The following GALNT13 variants were observed in gnomAD, a reference collection of about 807,000 sequenced individuals.
GALNT13 encodes the protein polypeptide N-acetylgalactosaminyltransferase 13.
A neutral mutation model predicts 64.2 loss-of-function variants in GALNT13; 28 were observed. That is an observed-to-expected ratio of 0.44 (90% CI 0.32 to 0.60). The LOEUF (loss-of-function observed/expected upper bound fraction) is 0.60. Ranked by LOEUF, GALNT13 falls within the 20% of genes least tolerant of loss-of-function variation. The probability of loss-of-function intolerance (pLI) is 0.05; values close to 1 mark genes in which losing one functional copy is unlikely to be tolerated. For missense variants in GALNT13, 577 were observed against 669.8 expected (o/e 0.86, Z 1.53); for synonymous variants, 214 against 224.6 (o/e 0.95, Z 0.42).
intron 3 of GALNT13, among the ~76,000 whole-genome samples, chr2:154,005,903 T>TA (rs1357388977): frequency 1.3e-5 from 2 of 152,286 alleles, no homozygotes; most frequent in African/African-American, 2.4e-5. Context: ...CCTTTTGGAT[T>TA]AGCTACAAGT....
At chr2:154,336,144 A>G (rs1695433593) in intron 9 of GALNT13, among the ~76,000 whole-genome samples, 1 of 152,116 alleles carries the variant, frequency 6.6e-6, no homozygotes, top group Non-Finnish European at 1.5e-5. Flanking sequence ...GCACACCTAC[A>G]AGTCTAGTTG....
chr2:153,268,484 G>C, the GALNT13 span, among the ~76,000 whole-genome samples: 1 of 152,222 alleles, frequency 6.6e-6, no homozygotes, highest in Non-Finnish European at 1.5e-5. Context: ...TGTGGGGCTG[G>C]CATTGAGTGC....
At chr2:153,527,614 T>C in the GALNT13 span, among the ~76,000 whole-genome samples, 1 of 152,206 alleles carries the variant, frequency 6.6e-6, no homozygotes, top group Non-Finnish European at 1.5e-5. Flanking sequence ...CAGTAGGTAC[T>C]CAGAAAAACA....
the GALNT13 span, among the ~76,000 whole-genome samples, chr2:153,274,273 G>A: frequency 1.3e-5 from 2 of 152,182 alleles, no homozygotes; most frequent in African/African-American, 4.8e-5. Flanking sequence ...GGCCTGCCAG[G>A]TGTTTATGTC....
At chr2:154,423,046 A>G (rs542457036) in intron 11 of GALNT13, among the ~76,000 whole-genome samples, 2 of 150,648 alleles carry the variant, frequency 1.3e-5, no homozygotes, top group South Asian at 4.3e-4. Flanking sequence ...ATTTCTCCTA[A>G]TGTTATCCCT....
At chr2:153,967,417 A>G (rs1437996803) in intron 3 of GALNT13, among the ~76,000 whole-genome samples, 1 of 152,066 alleles carries the variant, frequency 6.6e-6, no homozygotes, top group African/African-American at 2.4e-5. Context: ...GTTGTTACCT[A>G]AGCTTGTCGT....
the GALNT13 span, among the ~76,000 whole-genome samples, chr2:153,190,534 C>CT: frequency 1.3e-5 from 2 of 151,870 alleles, no homozygotes; most frequent in Admixed American, 1.3e-4. Context: ...TAGTTTTGTT[C>CT]TTTTTTCTCA....
At chr2:153,478,651 G>C in the GALNT13 span, 1 of 1,133,042 alleles carries the variant, frequency 8.8e-7, no homozygotes, top group Non-Finnish European at 1.2e-6. Context: ...CGGGCTGAGC[G>C]CTCACTCGCA....
the GALNT13 span, among the ~76,000 whole-genome samples, chr2:153,782,327 T>C: frequency 6.6e-6 from 1 of 152,188 alleles, no homozygotes; most frequent in African/African-American, 2.4e-5. Flanking sequence ...CTAGATGATA[T>C]AGCCTACTAC....
intron 10 of GALNT13, among the ~76,000 whole-genome samples, chr2:154,399,946 C>A (rs548357469): frequency 6.6e-6 from 1 of 152,230 alleles, no homozygotes; most frequent in South Asian, 2.1e-4. Flanking sequence ...AAATTAAGTT[C>A]TGTGCTTTCT....
At chr2:153,556,201 T>A in the GALNT13 span, among the ~76,000 whole-genome samples, 1 of 152,170 alleles carries the variant, frequency 6.6e-6, no homozygotes, top group African/African-American at 2.4e-5. Flanking sequence ...GAATTACATA[T>A]GATAGCCCAG....
At chr2:153,568,596 T>C in the GALNT13 span, among the ~76,000 whole-genome samples, 1 of 152,200 alleles carries the variant, frequency 6.6e-6, no homozygotes, top group Non-Finnish European at 1.5e-5. Flanking sequence ...TTTTTTAATA[T>C]ACTCATTTTA....
At chr2:153,410,135 G>C in the GALNT13 span, among the ~76,000 whole-genome samples, 50 of 152,212 alleles carry the variant, frequency 3.3e-4, no homozygotes, top group Non-Finnish European at 5.0e-4. Context: ...ACCTAGGCTG[G>C]GGTGCAGTGG....
chr2:153,724,749 C>G, the GALNT13 span, among the ~76,000 whole-genome samples: 1 of 132,244 alleles, frequency 7.6e-6, no homozygotes. Flanking sequence ...ATCAAAACCA[C>G]TATGAGATAT....
intron 4 of GALNT13, among the ~76,000 whole-genome samples, chr2:154,143,318 C>A (rs1683372154): frequency 6.6e-6 from 1 of 152,068 alleles, no homozygotes; most frequent in Admixed American, 6.6e-5. Flanking sequence ...TGGCTGGGTT[C>A]CTATAACAGG....
chr2:153,808,535 C>T, the GALNT13 span, among the ~76,000 whole-genome samples: 1 of 152,044 alleles, frequency 6.6e-6, no homozygotes, highest in African/African-American at 2.4e-5. Flanking sequence ...CAGCTCATTC[C>T]CTTTCTAACT....
the GALNT13 span, among the ~76,000 whole-genome samples, chr2:153,498,693 C>T: frequency 2.6e-5 from 4 of 152,194 alleles, no homozygotes; most frequent in African/African-American, 9.6e-5. Context: ...TTGTCACAGC[C>T]CTGGCTCGGG....
At chr2:153,546,683 A>C in the GALNT13 span, among the ~76,000 whole-genome samples, 29 of 152,222 alleles carry the variant, frequency 1.9e-4, no homozygotes, top group African/African-American at 6.3e-4. Context: ...GTTTTGTGTT[A>C]GCATTAGATG....
At chr2:153,300,682 A>G in the GALNT13 span, among the ~76,000 whole-genome samples, 1 of 152,192 alleles carries the variant, frequency 6.6e-6, no homozygotes, top group Non-Finnish European at 1.5e-5. Context: ...TAGATCTTAG[A>G]TAGGCACAGA....
Sources: allele counts gnomAD v4.1 joint callset (sites outside exome capture counted in the v4.1 genomes callset), GRCh38; gene constraint gnomAD v4.1.1; transcripts MANE v1.5; gene names NCBI Gene and HGNC (gene_info 2026-07-23, HGNC 2026-07-21).